Variants in CACNA2D3 observed in about 807,000 individuals in gnomAD.
The protein encoded by CACNA2D3 is voltage-dependent calcium channel subunit alpha-2/delta-3.
CACNA2D3 carries 60 observed loss-of-function variants against 160.6 expected under a neutral mutation model. The observed-to-expected ratio is 0.37, with a 90% CI of 0.30 to 0.46. The LOEUF (loss-of-function observed/expected upper bound fraction) is 0.46. Among genes scored for constraint, CACNA2D3 ranks in the 20% least tolerant of loss-of-function variants. The probability of loss-of-function intolerance (pLI) is 1.00; values close to 1 mark genes in which losing one functional copy is unlikely to be tolerated. For missense variants in CACNA2D3, 1,205 were observed against 1,365.0 expected (o/e 0.88, Z 1.85); for synonymous variants, 558 against 492.9 (o/e 1.13, Z -1.75).
At chr3:54,899,922 C>T (rs368838298) in intron 27 of CACNA2D3, 54 bp downstream of exon 27, 137 of 1,298,270 alleles carry the variant, frequency 1.1e-4, no homozygotes, top group African/African-American at 3.9e-4. Context: ...CCCATTCATC[C>T]GGCCAGTGGG....
At chr3:54,821,757 T>G in intron 14 of CACNA2D3, among the ~76,000 whole-genome samples, 1 of 149,742 alleles carries the variant, frequency 6.7e-6, no homozygotes, top group Non-Finnish European at 1.5e-5. Context: ...CTCTTTCTCA[T>G]TCCTTAGGTA....
At chr3:54,880,729 T>G in intron 20 of CACNA2D3, 67 bp from the exon 21 acceptor site, 1 of 1,305,384 alleles carries the variant, frequency 7.7e-7, no homozygotes, top group Non-Finnish European at 1.1e-6. Flanking sequence ...AATTAAAAAA[T>G]GTTAGCCCAC....
chr3:54,468,740 G>C (rs1006566254), intron 4 of CACNA2D3, among the ~76,000 whole-genome samples: 11 of 152,152 alleles, frequency 7.2e-5, no homozygotes, highest in Admixed American at 5.9e-4. Flanking sequence ...AAGCTTGGTG[G>C]GGGGAGGTGC....
intron 13 of CACNA2D3, among the ~76,000 whole-genome samples, chr3:54,790,107 C>T (rs1475809075): frequency 6.6e-6 from 1 of 152,206 alleles, no homozygotes; most frequent in Non-Finnish European, 1.5e-5. Context: ...TAGTTAGGAA[C>T]ACAGGCCCTG....
chr3:54,411,156 G>C (rs1188938638), intron 4 of CACNA2D3, among the ~76,000 whole-genome samples: 3 of 152,324 alleles, frequency 2.0e-5, no homozygotes, highest in Admixed American at 6.5e-5. Flanking sequence ...GAACAAAGTG[G>C]CTTCTTGAGG....
chr3:54,500,690 C>T (rs1701281028), intron 4 of CACNA2D3, among the ~76,000 whole-genome samples: 1 of 151,472 alleles, frequency 6.6e-6, no homozygotes, highest in East Asian at 1.9e-4. Context: ...ATTTTCTCTC[C>T]TCTCTTAGCA....
chr3:54,798,622 CG>C (rs1207469951), intron 13 of CACNA2D3, among the ~76,000 whole-genome samples: 1 of 152,170 alleles, frequency 6.6e-6, no homozygotes. Context: ...TTAGCTCCCA[CG>C]TAATTGGTAA....
At chr3:54,804,652 A>G (rs1163726354) in intron 13 of CACNA2D3, among the ~76,000 whole-genome samples, 1 of 152,194 alleles carries the variant, frequency 6.6e-6, no homozygotes, top group Non-Finnish European at 1.5e-5. Flanking sequence ...CGAGACAGAA[A>G]GTTAACAAGG....
At chr3:54,702,807 A>G (rs560090777) in intron 11 of CACNA2D3, among the ~76,000 whole-genome samples, 24 of 152,292 alleles carry the variant, frequency 1.6e-4, no homozygotes, top group Admixed American at 7.2e-4. Flanking sequence ...TTTTCACAAG[A>G]GCAAAGACAT....
intron 4 of CACNA2D3, among the ~76,000 whole-genome samples, chr3:54,412,568 C>G (rs1443582774): frequency 7.6e-6 from 1 of 132,136 alleles, no homozygotes; most frequent in Non-Finnish European, 1.7e-5. Flanking sequence ...TATCTTTTTT[C>G]TGTACCTTTA....
intron 14 of CACNA2D3, among the ~76,000 whole-genome samples, chr3:54,830,620 A>G (rs1703854292): frequency 6.6e-6 from 1 of 151,726 alleles, no homozygotes; most frequent in Non-Finnish European, 1.5e-5. Flanking sequence ...ACGCCCAGCT[A>G]ATTTTTGTAT....
intron 11 of CACNA2D3, among the ~76,000 whole-genome samples, chr3:54,743,146 T>C (rs1219237620): frequency 6.6e-6 from 1 of 152,236 alleles, no homozygotes; most frequent in Non-Finnish European, 1.5e-5. Context: ...GGGTAACTAA[T>C]ATTCGTTGAG....
rs527468348 is a variant in CACNA2D3, at chr3:54,125,233, C to T, written c.204+1639C>T. On this transcript the variant is annotated intron_variant, in intron 2 of 37. Coordinates refer to ENST00000474759, the MANE Select transcript of CACNA2D3 (RefSeq NM_018398.3). ...ACATTAAATATGTTTTTTTCTTTCT[C>T]TTTGAAGTTACACACACACACACAC... Among the ~76,000 whole-genome samples the T allele has an allele frequency of 3.4e-4, 41 of 121,350 alleles. No homozygotes were observed. The East Asian group carries it at 7.7e-3, about 23-fold the overall frequency. The allele number at this position is 121,350 out of a possible 152,430, so 79.6% of individuals were successfully genotyped here. A position where few individuals can be genotyped will look rare whatever the true frequency, so the allele number is the denominator to read the frequency against.
chr3:55,055,015 C>T (rs369716494), intron 35 of CACNA2D3, among the ~76,000 whole-genome samples: 5 of 152,030 alleles, frequency 3.3e-5, no homozygotes, highest in African/African-American at 1.2e-4. Flanking sequence ...AGAACTGATA[C>T]ACAGGTGTTA....
chr3:54,401,839 C>G (rs897132907), intron 4 of CACNA2D3, among the ~76,000 whole-genome samples: 3 of 152,050 alleles, frequency 2.0e-5, no homozygotes, highest in African/African-American at 7.2e-5. Flanking sequence ...AAGGTCAAGT[C>G]CAGAATACTT....
At chr3:54,260,581 C>T (rs1470830739) in intron 2 of CACNA2D3, among the ~76,000 whole-genome samples, 2 of 152,196 alleles carry the variant, frequency 1.3e-5, no homozygotes, top group South Asian at 2.1e-4. Flanking sequence ...CAAATACCAG[C>T]AACATATGAA....
At chr3:55,008,861 G>T (rs1703150429) in intron 33 of CACNA2D3, among the ~76,000 whole-genome samples, 1 of 135,802 alleles carries the variant, frequency 7.4e-6, no homozygotes, top group African/African-American at 2.6e-5. Context: ...TAATTTCATA[G>T]AGAGAAGTCT....
At chr3:54,808,242 T>A (rs1053500559) in intron 13 of CACNA2D3, among the ~76,000 whole-genome samples, 2 of 151,946 alleles carry the variant, frequency 1.3e-5, no homozygotes, top group African/African-American at 4.8e-5. Context: ...TAAGAAAAAT[T>A]CAGTTCACTC....
At chr3:54,133,853 C>T (rs145885367) in intron 2 of CACNA2D3, among the ~76,000 whole-genome samples, 1 of 152,100 alleles carries the variant, frequency 6.6e-6, no homozygotes, top group Non-Finnish European at 1.5e-5. Flanking sequence ...GGCTCTTAAA[C>T]TCTGGGACCA....
Sources: gnomAD v4.1 joint callset for allele counts (sites outside exome capture counted in the v4.1 genomes callset) on GRCh38, gnomAD v4.1.1 for gene constraint, MANE v1.5 for transcripts, NCBI Gene and HGNC (gene_info 2026-07-23, HGNC 2026-07-21) for gene names.